FSTL5: variants seen among roughly 807,000 people sequenced by gnomAD.
FSTL5 encodes follistatin like 5, also known as follistatin-related protein 5.
In FSTL5, 62 loss-of-function variants were observed where a neutral mutation model predicts 89.1. That is an observed-to-expected ratio of 0.70 (90% CI 0.57 to 0.86). The LOEUF is 0.86. FSTL5 is among the 40% of genes least tolerant of loss of function. FSTL5 has a pLI of 0.00. For synonymous variants in FSTL5, 383 were observed against 346.2 expected, an observed-to-expected ratio of 1.11 and a Z score of -1.18; for missense variants, 1,057 against 1,001.6, an observed-to-expected ratio of 1.06 and a Z score of -0.75.
chr4:161,522,590 T>G (rs1731076573), intron 10 of FSTL5, among the ~76,000 whole-genome samples: 2 of 151,482 alleles, frequency 1.3e-5, no homozygotes, highest in South Asian at 4.2e-4. Flanking sequence ...TTCTAACATT[T>G]CCTGAAAACT....
chr4:161,614,540 C>A (rs1216740057), intron 7 of FSTL5, among the ~76,000 whole-genome samples: 2 of 152,076 alleles, frequency 1.3e-5, no homozygotes, highest in African/African-American at 2.4e-5. Context: ...AACTGGAATT[C>A]ATATACAGTG....
At chr4:161,476,233 G>A (rs1271605140) in intron 13 of FSTL5, among the ~76,000 whole-genome samples, 2 of 119,410 alleles carry the variant, frequency 1.7e-5, no homozygotes, top group Non-Finnish European at 3.2e-5. Context: ...TGTTGCCCAG[G>A]CTGGAGTGCA....
At chr4:161,994,399 A>C (rs1343021583) in intron 3 of FSTL5, among the ~76,000 whole-genome samples, 1 of 152,192 alleles carries the variant, frequency 6.6e-6, no homozygotes, top group Non-Finnish European at 1.5e-5. Flanking sequence ...TATGCACCCC[A>C]TATTGGGATT....
intron 8 of FSTL5, among the ~76,000 whole-genome samples, chr4:161,566,187 C>A (rs1439291188): frequency 4.6e-5 from 6 of 129,556 alleles, no homozygotes; most frequent in Non-Finnish European, 3.2e-5. Flanking sequence ...TAAAAAAAAA[C>A]ACACATAATA....
chr4:161,827,190 T>A (rs1730694973), intron 4 of FSTL5, among the ~76,000 whole-genome samples: 1 of 152,160 alleles, frequency 6.6e-6, no homozygotes, highest in African/African-American at 2.4e-5. Flanking sequence ...GAATGCGGCT[T>A]CCTGAGAGCG....
At chr4:161,552,108 G>A (rs1413572075) in intron 8 of FSTL5, among the ~76,000 whole-genome samples, 1 of 151,888 alleles carries the variant, frequency 6.6e-6, no homozygotes, top group African/African-American at 2.4e-5. Flanking sequence ...ACTTTTTAAA[G>A]TGATATGTTA....
chr4:162,104,585 C>T (rs1238439407), intron 2 of FSTL5, among the ~76,000 whole-genome samples: 1 of 152,196 alleles, frequency 6.6e-6, no homozygotes, highest in Non-Finnish European at 1.5e-5. Flanking sequence ...GTAACATACT[C>T]TATGGTGTGC....
At chr4:161,929,491 A>C (rs1367424160) in intron 3 of FSTL5, among the ~76,000 whole-genome samples, 1 of 151,712 alleles carries the variant, frequency 6.6e-6, no homozygotes, top group Non-Finnish European at 1.5e-5. Context: ...GTTTGTCTAT[A>C]TCTAAAAAGT....
At chr4:161,541,604 A>G in intron 9 of FSTL5, among the ~76,000 whole-genome samples, 1 of 152,012 alleles carries the variant, frequency 6.6e-6, no homozygotes, top group Non-Finnish European at 1.5e-5. Flanking sequence ...ACTTGCAAGA[A>G]TAAGTAGAAG....
At position 161,386,272 on chromosome 4, in the gene FSTL5, A is replaced by G; in HGVS notation, c.2019T>C (p.Val673=). Reference sequence around the variant, plus strand: ...CACCGTCCACCATGACCTGTGGGGAAACTGCTCCGGTGCTGTCAGGTTTGC... The same window carrying G: ...CACCGTCCACCATGACCTGTGGGGAGACTGCTCCGGTGCTGTCAGGTTTGC... ...IGCKPDSTGA[V]SPQVMVDGVT... is the part of the protein sequence containing the mutation. The change falls in exon 16 of 16, where the codon GTT becomes GTC. Residue 673 remains valine (V), a synonymous_variant. Transcript: ENST00000306100. 1 of 1,613,992 alleles carries G rather than the reference A, an allele frequency of 6.2e-7. No individual in the cohort carries two copies. The highest frequency in any genetic ancestry group is 1.1e-5 in the South Asian group (1 of 91,068).
At chr4:161,695,975 C>A (rs1017455893) in intron 6 of FSTL5, among the ~76,000 whole-genome samples, 1 of 152,142 alleles carries the variant, frequency 6.6e-6, no homozygotes, top group Non-Finnish European at 1.5e-5. Flanking sequence ...TAAGTCCCAG[C>A]AATTTATCTT....
At chr4:161,888,012 C>T (rs897752301) in intron 4 of FSTL5, among the ~76,000 whole-genome samples, 1 of 152,118 alleles carries the variant, frequency 6.6e-6, no homozygotes, top group Non-Finnish European at 1.5e-5. Flanking sequence ...CAGTGCTGTT[C>T]TCATGTTAGT....
chr4:161,749,863 G>T (rs1437965713), intron 6 of FSTL5, among the ~76,000 whole-genome samples: 1 of 151,552 alleles, frequency 6.6e-6, no homozygotes, highest in East Asian at 1.9e-4. Flanking sequence ...TCCAAAAAAG[G>T]GAGGGTGTGA....
intron 10 of FSTL5, among the ~76,000 whole-genome samples, chr4:161,524,009 AGGCCATG>A (rs1731121508): frequency 6.6e-6 from 1 of 152,182 alleles, no homozygotes; most frequent in Non-Finnish European, 1.5e-5. Context: ...AGGCTGTTTC[AGGCCATG>A]ATGGGAAGTG....
intron 4 of FSTL5, among the ~76,000 whole-genome samples, chr4:161,873,867 T>C (rs1251390425): frequency 6.6e-6 from 1 of 152,048 alleles, no homozygotes; most frequent in Admixed American, 6.6e-5. Context: ...TGAATGTGGC[T>C]ATAGTGCATT....
intron 7 of FSTL5, among the ~76,000 whole-genome samples, chr4:161,591,053 A>C (rs1266324708): frequency 6.6e-6 from 1 of 152,244 alleles, no homozygotes; most frequent in East Asian, 1.9e-4. Context: ...GAATGGATAA[A>C]TAAAATGTAC....
rs531585797 is a variant in FSTL5, at chr4:162,077,668, T to A, written c.126+33603A>T. Among the ~76,000 whole-genome samples the A allele has an allele frequency of 1.3e-3, 201 of 151,724 alleles. 1 individual carries two copies. The highest frequency in any genetic ancestry group is 4.7e-3 in the African/African-American group (195 of 41,424). ...ATGTGGTGATAATTAAAAAAATAAC[T>A]AGAGAGGAAGAAAAATAACTTTAGA... On this transcript the variant is annotated intron_variant, in intron 2 of 15. Coordinates refer to ENST00000306100, the MANE Select transcript of FSTL5 (RefSeq NM_020116.5).
rs200138874 is a variant in FSTL5, at chr4:162,143,503, A to G, written c.-17+20112T>C. ...AACACCATTGTTAATGCTCCATGCT[A>G]ATTGCATATAAAATTAGCATCATTA... On this transcript the variant is annotated intron_variant, in intron 1 of 15. Coordinates refer to ENST00000306100, the MANE Select transcript of FSTL5 (RefSeq NM_020116.5). Among the ~76,000 whole-genome samples the G allele has an allele frequency of 1.4e-4, 22 of 152,288 alleles. No homozygotes were observed. The East Asian group carries it at 3.9e-3, about 27-fold the overall frequency.
intron 3 of FSTL5, among the ~76,000 whole-genome samples, chr4:161,941,089 C>T (rs377442762): frequency 2.6e-5 from 4 of 151,684 alleles, no homozygotes; most frequent in Admixed American, 2.6e-4. Context: ...ACTAATTCAA[C>T]TAAATTGTTA....
Sources: allele counts gnomAD v4.1 joint callset (sites outside exome capture counted in the v4.1 genomes callset), GRCh38; gene constraint gnomAD v4.1.1; transcripts MANE v1.5; gene names NCBI Gene and HGNC (gene_info 2026-07-23, HGNC 2026-07-21).